Variants in SMYD1 observed in about 807,000 individuals in gnomAD.
The protein encoded by SMYD1 is histone-lysine N-methyltransferase SMYD1.
SMYD1 carries 49 observed loss-of-function variants against 54.0 expected under a neutral mutation model. That is an observed-to-expected ratio of 0.91 (90% CI 0.72 to 1.15). The LOEUF (loss-of-function observed/expected upper bound fraction) is 1.15. Ranked by LOEUF, SMYD1 falls within the 50% of genes most tolerant of loss-of-function variation. The pLI, the probability that SMYD1 is intolerant of heterozygous loss-of-function variation, is 0.00. For missense variants in SMYD1, 653 were observed against 639.6 expected (o/e 1.02, Z -0.23); for synonymous variants, 269 against 234.2 (o/e 1.15, Z -1.36).
At chr2:88,110,261 C>A in intron 9 of SMYD1, 93 bp from the exon 10 acceptor site, 161 of 1,190,236 alleles carry the variant, frequency 1.4e-4, no homozygotes, top group East Asian at 3.3e-4. Flanking sequence ...GTTGAATCTC[C>A]GTGGCTGGAA....
Position 88,112,354 on chromosome 2 carries a change from GTGTC to G in SMYD1, c.*1846_*1849del. ...TGTTGTCTTTAACAAACTGTGTTCTGTGTCTGTGCTCCTCCTTCCCTCTCAGACC... is the reference window on the plus strand; with the variant it reads ...TGTTGTCTTTAACAAACTGTGTTCTGTGTGCTCCTCCTTCCCTCTCAGACC... On this transcript the variant is annotated 3_prime_UTR_variant, in exon 10 of 10. Coordinates refer to ENST00000419482, the MANE Select transcript of SMYD1 (RefSeq NM_198274.4). 1 of 574,794 alleles carries G rather than the reference GTGTC, an allele frequency of 1.7e-6. No homozygotes were observed. The highest frequency in any genetic ancestry group is 3.1e-6 in the Non-Finnish European group (1 of 322,006). The allele number at this position is 574,794 out of a possible 1,614,324, so 35.6% of individuals were successfully genotyped here.
intron 6 of SMYD1, among the ~76,000 whole-genome samples, chr2:88,097,063 T>A (rs1674606575): frequency 6.6e-6 from 1 of 152,124 alleles, no homozygotes; most frequent in Non-Finnish European, 1.5e-5. Flanking sequence ...GTTATAAAGA[T>A]TAAAGGAGAT....
intron 1 of SMYD1, among the ~76,000 whole-genome samples, chr2:88,077,722 CTT>C (rs1168525311): frequency 1.5e-4 from 19 of 126,184 alleles, no homozygotes; most frequent in Admixed American, 3.2e-4. Context: ...GTGGGCATTT[CTT>C]TTTTTTTTTT....
chr2:88,079,841 A>G (rs1558848237), intron 1 of SMYD1, among the ~76,000 whole-genome samples: 1 of 152,156 alleles, frequency 6.6e-6, no homozygotes. Context: ...ACAAAAAACA[A>G]TAAAAGTCAA....
At chr2:88,073,659 A>T (rs1673995624) in intron 1 of SMYD1, among the ~76,000 whole-genome samples, 1 of 152,202 alleles carries the variant, frequency 6.6e-6, no homozygotes, top group South Asian at 2.1e-4. Flanking sequence ...TTTGATATAG[A>T]TTTCCAAATT....
intron 3 of SMYD1, 143 bp from the exon 4 acceptor site, chr2:88,090,869 G>C (rs1213933540): frequency 1.1e-6 from 1 of 878,428 alleles, no homozygotes; most frequent in Non-Finnish European, 1.7e-6. Context: ...CAGAGAACAG[G>C]AGACTAATTG....
At chr2:88,079,184 T>C (rs1217149337) in intron 1 of SMYD1, among the ~76,000 whole-genome samples, 2 of 152,254 alleles carry the variant, frequency 1.3e-5, no homozygotes, top group Non-Finnish European at 2.9e-5. Flanking sequence ...CACCCAATCT[T>C]GGGTGAAGGC....
intron 7 of SMYD1, among the ~76,000 whole-genome samples, chr2:88,105,871 G>C (rs1031994607): frequency 7.9e-5 from 12 of 152,252 alleles, no homozygotes; most frequent in African/African-American, 2.6e-4. Context: ...CTAAGACGGG[G>C]AGGTTGCAGT....
intron 1 of SMYD1, among the ~76,000 whole-genome samples, chr2:88,076,243 C>T (rs1674059012): frequency 6.6e-6 from 1 of 152,154 alleles, no homozygotes; most frequent in African/African-American, 2.4e-5. Context: ...GAGACAGAGT[C>T]TCGCTCTGTC....
intron 6 of SMYD1, 49 bp from the exon 7 acceptor site, chr2:88,103,009 G>T (rs1674755737): frequency 6.9e-7 from 1 of 1,439,204 alleles, no homozygotes; most frequent in Non-Finnish European, 9.8e-7. Flanking sequence ...AAGGTGGAAT[G>T]GGTTGCCTCA....
At chr2:88,083,371 G>C (rs779490738) in intron 1 of SMYD1, among the ~76,000 whole-genome samples, 16 of 151,952 alleles carry the variant, frequency 1.1e-4, no homozygotes, top group Non-Finnish European at 1.9e-4. Flanking sequence ...TGAACGATGG[G>C]TTTAACATGG....
intron 7 of SMYD1, among the ~76,000 whole-genome samples, chr2:88,103,676 C>T (rs1394669737): frequency 6.6e-6 from 1 of 152,110 alleles, no homozygotes; most frequent in Non-Finnish European, 1.5e-5. Flanking sequence ...GGCCATGGGA[C>T]CCTGATATCA....
At chr2:88,095,087 CCG>C (rs1674550086) in intron 5 of SMYD1, among the ~76,000 whole-genome samples, 3 of 152,058 alleles carry the variant, frequency 2.0e-5, no homozygotes, top group African/African-American at 7.2e-5. Flanking sequence ...TGGCTCTGTC[CCG>C]AAAGTGTTGT....
At position 88,110,450 on chromosome 2, in the gene SMYD1, A is replaced by G. The variant is rs779040242; in HGVS notation, c.1411A>G (p.Met471Val). The G allele has an allele frequency of 6.2e-5, 100 of 1,606,764 alleles. No individual in the cohort carries two copies. The highest frequency in any genetic ancestry group is 5.7e-4 in the South Asian group (51 of 89,398). The change falls in exon 10 of 10, where the codon ATG (methionine) becomes GTG (valine). Residue 471 changes from methionine to valine, a missense_variant. Met to Val is a conservative substitution (Grantham distance 21). Coordinates refer to ENST00000419482, the MANE Select transcript of SMYD1 (RefSeq NM_198274.4). ...CGAGGCTGCCCTGAACAACCAGCCC[A>G]TGCAGGTCATGGCCGAGCCCAGCAA... is the stretch of plus-strand genomic sequence containing the variant. The part of the protein sequence containing the change: ...MREAALNNQP[M>V]QVMAEPSNEP...
intron 2 of SMYD1, among the ~76,000 whole-genome samples, chr2:88,086,755 ACTTT>A (rs1480766518): frequency 2.6e-5 from 4 of 152,208 alleles, no homozygotes; most frequent in African/African-American, 9.6e-5. Context: ...TTTTCAATCA[ACTTT>A]CTATTAGTAC....
intron 7 of SMYD1, among the ~76,000 whole-genome samples, chr2:88,103,596 T>C (rs1423057617): frequency 6.6e-6 from 1 of 152,208 alleles, no homozygotes; most frequent in African/African-American, 2.4e-5. Context: ...CAGCTGGCTC[T>C]ACACTAGAAT....
rs548095343 is a variant in SMYD1, at chr2:88,110,779, A to G, written c.*267A>G. The stretch of plus-strand genomic sequence containing the variant: ...CTAGAACCCAATAAAGGAGCTCCAA[A>G]TGTCGTTGGGTGGGGAAGCAAAATG... On this transcript the variant is annotated 3_prime_UTR_variant, in exon 10 of 10. Coordinates refer to ENST00000419482, the MANE Select transcript of SMYD1 (RefSeq NM_198274.4). 6 of 372,796 alleles carry G rather than the reference A, an allele frequency of 1.6e-5. No individual in the cohort carries two copies. The South Asian group carries it at 4.6e-4, about 28-fold the overall frequency. The allele number at this position is 372,796 out of a possible 1,614,324, so 23.1% of individuals were successfully genotyped here. A position where few individuals can be genotyped will look rare whatever the true frequency, so the allele number is the denominator to read the frequency against.
intron 6 of SMYD1, among the ~76,000 whole-genome samples, chr2:88,099,198 TGCCTTAGGCTCCTG>T: frequency 6.6e-6 from 1 of 152,274 alleles, no homozygotes; most frequent in East Asian, 2.0e-4. Flanking sequence ...GCGATTCTCC[TGCCTTAGGCTCCTG>T]AGTAGCTGGG....
intron 6 of SMYD1, among the ~76,000 whole-genome samples, chr2:88,102,592 T>A (rs1674744521): frequency 6.6e-6 from 1 of 152,220 alleles, no homozygotes; most frequent in Non-Finnish European, 1.5e-5. Flanking sequence ...TTGGGTCAAG[T>A]CCCTGGGCTC....
Sources: allele counts gnomAD v4.1 joint callset (sites outside exome capture counted in the v4.1 genomes callset), GRCh38; gene constraint gnomAD v4.1.1; transcripts MANE v1.5; gene names NCBI Gene and HGNC (gene_info 2026-07-23, HGNC 2026-07-21).